The following KCNH8 variants were observed in gnomAD, a reference collection of about 807,000 sequenced individuals.
The protein encoded by KCNH8 is voltage-gated delayed rectifier potassium channel KCNH8.
KCNH8 carries 70 observed loss-of-function variants against 103.6 expected under a neutral mutation model. The ratio of observed to expected loss-of-function variants is 0.68; its 90% CI spans 0.56 to 0.82. The LOEUF (loss-of-function observed/expected upper bound fraction) is 0.82. Ranked by LOEUF, KCNH8 falls within the 40% of genes least tolerant of loss-of-function variation. The probability of loss-of-function intolerance (pLI) is 0.00; values close to 1 mark genes in which losing one functional copy is unlikely to be tolerated. For missense variants in KCNH8, 1,217 were observed against 1,329.9 expected (o/e 0.92, Z 1.32); for synonymous variants, 498 against 489.4 (o/e 1.02, Z -0.23).
At chr3:19,222,981 G>A (rs80011164) in intron 1 of KCNH8, among the ~76,000 whole-genome samples, 13,698 of 152,074 alleles carry the variant, frequency 0.09, 2,056 homozygotes, top group African/African-American at 0.31. Context: ...TATTTTATAT[G>A]TTTTGAGCTC....
At chr3:19,477,202 C>A (rs909337574) in intron 11 of KCNH8, among the ~76,000 whole-genome samples, 1 of 152,026 alleles carries the variant, frequency 6.6e-6, no homozygotes, top group Non-Finnish European at 1.5e-5. Flanking sequence ...GCAAGTGGGA[C>A]GGACCCATGC....
chr3:19,242,575 A>T (rs1364210817), intron 1 of KCNH8, among the ~76,000 whole-genome samples: 1 of 152,182 alleles, frequency 6.6e-6, no homozygotes, highest in Non-Finnish European at 1.5e-5. Context: ...CTCTCCCCCT[A>T]AACCATAGAA....
At chr3:19,214,937 C>A (rs2063804270) in intron 1 of KCNH8, among the ~76,000 whole-genome samples, 1 of 152,206 alleles carries the variant, frequency 6.6e-6, no homozygotes, top group African/African-American at 2.4e-5. Flanking sequence ...TTAGATCAGA[C>A]TAAAATATGT....
rs532127075 is a variant in KCNH8, at chr3:19,534,280, C to T, written c.*181C>T. 5.9e-5 allele frequency: 35 copies of T among 597,314 alleles called. No homozygotes were observed. The highest frequency in any genetic ancestry group is 5.2e-4 in the African/African-American group (28 of 53,936). 37.0% of individuals were successfully genotyped at this position (597,314 alleles called of 1,614,324 possible). A position where few individuals can be genotyped will look rare whatever the true frequency, so the allele number is the denominator to read the frequency against. On this transcript the variant is annotated 3_prime_UTR_variant, in exon 16 of 16. Coordinates refer to ENST00000328405, the MANE Select transcript of KCNH8 (RefSeq NM_144633.3). ...TGCTGTAGCAAACAATTTCTAGATACTAGAAGCATAATAGAAACATTTTTC... is the reference window on the plus strand; with the variant it reads ...TGCTGTAGCAAACAATTTCTAGATATTAGAAGCATAATAGAAACATTTTTC...
intron 5 of KCNH8, among the ~76,000 whole-genome samples, chr3:19,352,695 G>C (rs1202439008): frequency 6.6e-6 from 1 of 152,100 alleles, no homozygotes; most frequent in Non-Finnish European, 1.5e-5. Context: ...TGAGAACAAA[G>C]ACACAACATA....
rs2125320147 is a variant in KCNH8, at chr3:19,347,788, T to C, written c.634T>C (p.Phe212Leu). ...YKVSDAKKSKFILLHFSTFKA... is the reference protein window; with the variant it reads ...YKVSDAKKSKLILLHFSTFKA... ...AGTTTCTGATGCAAAAAAGTCCAAA[T>C]TCATACTTCTGCATTTTAGCACTTT... is the stretch of plus-strand genomic sequence containing the variant. Residue 212 changes from phenylalanine (F) to leucine (L), a missense_variant, in exon 5 of 16, where the codon TTC becomes CTC. By Grantham distance (22) the Phe-to-Leu change is conservative (BLOSUM62 0). Coordinates refer to ENST00000328405, the MANE Select transcript of KCNH8 (RefSeq NM_144633.3). The C allele has an allele frequency of 6.2e-7, 1 of 1,613,222 alleles. No homozygotes were observed. Among genetic ancestry groups the C allele is most frequent in the East Asian group, 2.2e-5 (1 of 44,856 alleles).
chr3:19,486,034 C>A (rs2068200225), intron 11 of KCNH8, among the ~76,000 whole-genome samples: 1 of 152,200 alleles, frequency 6.6e-6, no homozygotes, highest in Admixed American at 6.5e-5. Context: ...GCCTTCTGGG[C>A]TGAAGTGCCC....
At chr3:19,375,144 C>G (rs1286324221) in intron 5 of KCNH8, among the ~76,000 whole-genome samples, 3 of 151,736 alleles carry the variant, frequency 2.0e-5, no homozygotes, top group Non-Finnish European at 4.4e-5. Context: ...TGAATCTGAA[C>G]GTTGGCCTGC....
chr3:19,313,011 C>T (rs937829195), intron 3 of KCNH8, among the ~76,000 whole-genome samples: 2 of 140,460 alleles, frequency 1.4e-5, no homozygotes, highest in South Asian at 4.4e-4. Context: ...TTCTCCATAA[C>T]TGCTATTGGC....
At chr3:19,269,993 G>A (rs193229748) in intron 2 of KCNH8, among the ~76,000 whole-genome samples, 104 of 152,232 alleles carry the variant, frequency 6.8e-4, no homozygotes, top group African/African-American at 2.5e-3. Flanking sequence ...CTAACAAATA[G>A]TGCTTCTTAA....
chr3:19,501,362 T>A (rs1052356357), intron 11 of KCNH8, among the ~76,000 whole-genome samples: 4 of 152,142 alleles, frequency 2.6e-5, no homozygotes, highest in African/African-American at 7.2e-5. Flanking sequence ...GAGGAACTGG[T>A]ACCATTCCTT....
intron 1 of KCNH8, among the ~76,000 whole-genome samples, chr3:19,222,994 G>A (rs1187061881): frequency 1.3e-5 from 2 of 152,044 alleles, no homozygotes; most frequent in African/African-American, 4.8e-5. Flanking sequence ...TTGAGCTCCG[G>A]CACAAATATT....
At chr3:19,302,617 GA>G (rs1182637891) in intron 3 of KCNH8, among the ~76,000 whole-genome samples, 1 of 152,106 alleles carries the variant, frequency 6.6e-6, no homozygotes, top group Non-Finnish European at 1.5e-5. Context: ...AGGTGTAAAA[GA>G]ATGAGTATTT....
chr3:19,441,570 T>C (rs1281241303), intron 8 of KCNH8, among the ~76,000 whole-genome samples: 1 of 152,222 alleles, frequency 6.6e-6, no homozygotes, highest in Non-Finnish European at 1.5e-5. Flanking sequence ...GGTGCATACT[T>C]ACTTCTCTCC....
rs150493227 is a variant in KCNH8, at chr3:19,236,598, A to G, written c.77-17056A>G. ...TAGGTAGAACTGTGACACTCTAACC[A>G]TTTTATATGCCCTTTCCTCAGAATC... On this transcript the variant is annotated intron_variant, in intron 1 of 15. Transcript: ENST00000328405. Among the ~76,000 whole-genome samples, 1,190 of 152,316 alleles carry G rather than the reference A, an allele frequency of 7.8e-3. 6 individuals carry two copies. Among genetic ancestry groups the G allele is most frequent in the Non-Finnish European group, 0.011 (717 of 68,020 alleles).
chr3:19,155,553 A>G (rs960863008), intron 1 of KCNH8, among the ~76,000 whole-genome samples: 3 of 152,258 alleles, frequency 2.0e-5, no homozygotes, highest in African/African-American at 7.2e-5. Flanking sequence ...CCTTTTGGAT[A>G]ATGTCCAATG....
At chr3:19,514,587 G>C (rs2068841962) in intron 13 of KCNH8, among the ~76,000 whole-genome samples, 1 of 149,316 alleles carries the variant, frequency 6.7e-6, no homozygotes, top group African/African-American at 2.5e-5. Context: ...TTGTTTTTTT[G>C]TTACCTTTAT....
intron 1 of KCNH8, among the ~76,000 whole-genome samples, chr3:19,210,752 A>G (rs2063763234): frequency 1.3e-5 from 2 of 152,076 alleles, no homozygotes; most frequent in Admixed American, 6.6e-5. Context: ...AGTCATTCAT[A>G]TTTCCCAGTG....
intron 11 of KCNH8, among the ~76,000 whole-genome samples, chr3:19,475,658 A>G (rs534485787): frequency 2.3e-4 from 35 of 152,334 alleles, no homozygotes; most frequent in Admixed American, 7.8e-4. Flanking sequence ...ATAACTGGAG[A>G]ATAATTTCTC....
Sources: allele counts gnomAD v4.1 joint callset (sites outside exome capture counted in the v4.1 genomes callset), GRCh38; gene constraint gnomAD v4.1.1; transcripts MANE v1.5; gene names NCBI Gene and HGNC (gene_info 2026-07-23, HGNC 2026-07-21).